Variants in NCKAP5 observed in about 807,000 individuals in gnomAD.
The protein encoded by NCKAP5 is nck-associated protein 5.
A neutral mutation model predicts 167.0 loss-of-function variants in NCKAP5; 92 were observed. The ratio of observed to expected loss-of-function variants is 0.55; its 90% confidence interval spans 0.47 to 0.66. The LOEUF is 0.66. NCKAP5 is among the 30% of genes least tolerant of loss of function. The pLI is 0.00. For synonymous variants in NCKAP5, 891 were observed against 877.4 expected (o/e 1.02, Z -0.27); for missense variants, 2,378 against 2,315.0 (o/e 1.03, Z -0.56).
chr2:133,522,809 C>T (rs1328056195), intron 2 of NCKAP5, among the ~76,000 whole-genome samples: 1 of 152,178 alleles, frequency 6.6e-6, no homozygotes, highest in Admixed American at 6.5e-5. Flanking sequence ...AATCTATTTA[C>T]CTGCACCTAC....
At chr2:133,044,298 C>A (rs921507314) in intron 6 of NCKAP5, among the ~76,000 whole-genome samples, 7 of 151,982 alleles carry the variant, frequency 4.6e-5, no homozygotes, top group African/African-American at 1.7e-4. Context: ...ATAAAAACAT[C>A]AAAAATGCAA....
At chr2:132,799,633 C>T (rs1350945678) in intron 11 of NCKAP5, among the ~76,000 whole-genome samples, 2 of 152,018 alleles carry the variant, frequency 1.3e-5, no homozygotes, top group East Asian at 3.9e-4. Context: ...TAGGTAACTT[C>T]TTAGATAATA....
At chr2:133,017,992 T>C (rs2078398178) in intron 6 of NCKAP5, among the ~76,000 whole-genome samples, 1 of 152,222 alleles carries the variant, frequency 6.6e-6, no homozygotes, top group South Asian at 2.1e-4. Flanking sequence ...CCTCAGTCTC[T>C]ATCTCAAGAC....
intron 9 of NCKAP5, 60 bp downstream of exon 9, chr2:132,878,788 C>T (rs1384107061): frequency 1.6e-6 from 2 of 1,244,230 alleles, no homozygotes; most frequent in African/African-American, 3.0e-5. Flanking sequence ...ATTTTGAGAT[C>T]AGATTAAGGG....
At chr2:132,736,365 G>GT (rs889371385) in intron 16 of NCKAP5, among the ~76,000 whole-genome samples, 4 of 151,982 alleles carry the variant, frequency 2.6e-5, no homozygotes, top group African/African-American at 4.8e-5. Context: ...TCTGAAGCCA[G>GT]TTTTTTTTCT....
At chr2:133,495,611 T>C (rs140417768) in intron 3 of NCKAP5, among the ~76,000 whole-genome samples, 1 of 152,222 alleles carries the variant, frequency 6.6e-6, no homozygotes, top group Non-Finnish European at 1.5e-5. Context: ...TGAAGGACTG[T>C]AGTCACTCAG....
At chr2:132,851,286 G>C (rs1380875986) in intron 11 of NCKAP5, among the ~76,000 whole-genome samples, 1 of 152,206 alleles carries the variant, frequency 6.6e-6, no homozygotes, top group East Asian at 1.9e-4. Flanking sequence ...GTGTGTGCTT[G>C]TATATGAGGT....
chr2:132,692,051 C>A (rs973823561), intron 19 of NCKAP5, among the ~76,000 whole-genome samples: 1 of 152,146 alleles, frequency 6.6e-6, no homozygotes, highest in Non-Finnish European at 1.5e-5. Context: ...AAAGGCCTTT[C>A]CCAATCAGTC....
chr2:133,539,430 C>T (rs1265201586), intron 2 of NCKAP5, among the ~76,000 whole-genome samples: 2 of 151,398 alleles, frequency 1.3e-5, no homozygotes, highest in Non-Finnish European at 2.9e-5. Flanking sequence ...AGAAGACAAG[C>T]AAAATAAAAA....
intron 3 of NCKAP5, among the ~76,000 whole-genome samples, chr2:133,383,056 C>T (rs995505231): frequency 8.6e-5 from 13 of 151,990 alleles, no homozygotes; most frequent in Non-Finnish European, 1.6e-4. Flanking sequence ...TCTAGGATTG[C>T]TTTTTTTAAA....
chr2:133,116,803 A>T (rs1367278891), intron 6 of NCKAP5, among the ~76,000 whole-genome samples: 19 of 152,174 alleles, frequency 1.2e-4, no homozygotes. Flanking sequence ...CAAATTGCTT[A>T]ACCTTTCTGG....
the NCKAP5 span, among the ~76,000 whole-genome samples, chr2:133,620,015 A>G: frequency 6.6e-6 from 1 of 152,166 alleles, no homozygotes; most frequent in Non-Finnish European, 1.5e-5. Context: ...TTCATAAATG[A>G]AGGAAAGATG....
At chr2:133,604,604 C>G in the NCKAP5 span, among the ~76,000 whole-genome samples, 1 of 152,108 alleles carries the variant, frequency 6.6e-6, no homozygotes, top group Non-Finnish European at 1.5e-5. Context: ...AGAGAACAGA[C>G]TACAGCAGCT....
chr2:133,385,399 A>C (rs1686870168), intron 3 of NCKAP5, among the ~76,000 whole-genome samples: 1 of 152,190 alleles, frequency 6.6e-6, no homozygotes, highest in Non-Finnish European at 1.5e-5. Flanking sequence ...GATGAAGCCC[A>C]CTTGATCATG....
In NCKAP5 at chr2:132,828,958, A is replaced by G. The variant is rs550274757; in HGVS notation, c.807+31534T>C. On this transcript the variant is annotated intron_variant, in intron 11 of 19. Coordinates refer to ENST00000409261, the MANE Select transcript of NCKAP5 (RefSeq NM_207363.3). ...TATCCTCTCACCTTGGTTTCCAGCA[A>G]TATGGTGATGTCAGCTCAACTGTCG... Among the ~76,000 whole-genome samples the G allele has an allele frequency of 5.3e-5, 8 of 152,264 alleles. No individual in the cohort carries two copies. The East Asian group carries it at 1.4e-3, about 26-fold the overall frequency.
At chr2:133,579,685 G>A in the NCKAP5 span, among the ~76,000 whole-genome samples, 1 of 152,176 alleles carries the variant, frequency 6.6e-6, no homozygotes, top group Non-Finnish European at 1.5e-5. Flanking sequence ...GAAACAAGCA[G>A]TAAGATTCAT....
chr2:133,649,815 C>G, the NCKAP5 span, among the ~76,000 whole-genome samples: 1 of 152,008 alleles, frequency 6.6e-6, no homozygotes, highest in Non-Finnish European at 1.5e-5. Context: ...GACAAAATTT[C>G]CCATTCTCAC....
At chr2:132,854,556 C>T (rs1689315888) in intron 11 of NCKAP5, among the ~76,000 whole-genome samples, 1 of 152,190 alleles carries the variant, frequency 6.6e-6, no homozygotes, top group African/African-American at 2.4e-5. Flanking sequence ...TTCTCTTGTC[C>T]ACCTGGAGTC....
rs899256351 is a variant in NCKAP5 at position 133,264,694 on chromosome 2, C to T, written c.143+38343G>A. On this transcript the variant is annotated intron_variant, in intron 4 of 19. Coordinates refer to ENST00000409261, the MANE Select transcript of NCKAP5 (RefSeq NM_207363.3). The stretch of plus-strand genomic sequence containing the variant: ...AATATTGGGGTCCTGGAAAGAAATG[C>T]TACAGAACAAAGTTCTTCTAAAGAG... 3.3e-5 allele frequency among the ~76,000 whole-genome samples: 5 copies of T among 152,126 alleles called. No individual in the cohort carries two copies. The East Asian group carries it at 5.8e-4, about 18-fold the overall frequency.
Sources: allele counts gnomAD v4.1 joint callset (sites outside exome capture counted in the v4.1 genomes callset), GRCh38; gene constraint gnomAD v4.1.1; transcripts MANE v1.5; gene names NCBI Gene and HGNC (gene_info 2026-07-23, HGNC 2026-07-21).